Variants in PSG3 observed in about 807,000 individuals in gnomAD.
PSG3 encodes pregnancy-specific beta-1-glycoprotein 3.
In PSG3, 61 loss-of-function variants were observed where a neutral mutation model predicts 47.5. The observed-to-expected ratio is 1.28, with a 90% confidence interval of 1.05 to 1.59. PSG3 has a LOEUF of 1.59. PSG3 is among the 40% of genes most tolerant of loss of function. The pLI, the probability that PSG3 is intolerant of heterozygous loss-of-function variation, is 0.00. For synonymous variants in PSG3, 263 were observed against 198.4 expected (o/e 1.33, Z -2.74); for missense variants, 756 against 524.0 (o/e 1.44, Z -4.32).
Position 42,732,813 on chromosome 19 carries a change from C to A in PSG3, c.680G>T (p.Arg227Leu). The change falls in exon 3 of 7, where the codon CGC (arginine) becomes CTC (leucine). Residue 227 changes from arginine to leucine, a missense_variant. Arg to Leu is a moderately radical substitution (Grantham distance 102, BLOSUM62 -2). Coordinates refer to ENST00000327495, the MANE Select transcript of PSG3 (RefSeq NM_021016.4). The part of the protein sequence containing the change: ...CEIRNPVSAS[R>L]SDPVTLNLLP... ...GAGATTCAGGGTGACTGGGTCACTGCGGCTGGCACTCACTGGGTTCCGTAT... is the reference window on the plus strand; with the variant it reads ...GAGATTCAGGGTGACTGGGTCACTGAGGCTGGCACTCACTGGGTTCCGTAT... The A allele has an allele frequency of 1.2e-6, 2 of 1,614,098 alleles. No homozygotes were observed. Among genetic ancestry groups the A allele is most frequent in the Non-Finnish European group, 1.7e-6 (2 of 1,179,992 alleles).
At chr19:42,725,721 G>A (rs1969365360) in intron 5 of PSG3, among the ~76,000 whole-genome samples, 1 of 151,732 alleles carries the variant, frequency 6.6e-6, no homozygotes, top group Admixed American at 6.6e-5. Context: ...CCAATTAGCT[G>A]CGCATGGTGA....
intron 1 of PSG3, among the ~76,000 whole-genome samples, chr19:42,740,022 G>A (rs908303318): frequency 2.7e-5 from 4 of 150,346 alleles, no homozygotes; most frequent in Admixed American, 6.6e-5. Context: ...GCACTATCTC[G>A]GCTCACTGCA....
chr19:42,727,295 A>C (rs987946467), intron 5 of PSG3, among the ~76,000 whole-genome samples: 1 of 152,238 alleles, frequency 6.6e-6, no homozygotes, highest in African/African-American at 2.4e-5. Flanking sequence ...TTTATATATC[A>C]AAGAACACTA....
In PSG3 at chr19:42,729,132, T is replaced by G. The variant is rs17420676; in HGVS notation, c.1234A>C (p.Lys412Gln). Residue 412 changes from lysine to glutamine, a missense_variant, in exon 5 of 7, where the codon AAA becomes CAA. Transcript: ENST00000327495. ...GMESSKSMTV[K>Q]VSAPSGTGHL... is the part of the protein sequence containing the mutation. ...GCTGGGATCCACTTACCAGAGACTTTGACTGTCATGGATTTGGAGCTTTCC... is the reference window on the plus strand; with the variant it reads ...GCTGGGATCCACTTACCAGAGACTTGGACTGTCATGGATTTGGAGCTTTCC... 6.2e-7 allele frequency: 1 copy of G among 1,613,872 alleles called. No individual in the cohort carries two copies. The highest frequency in any genetic ancestry group is 1.3e-5 in the African/African-American group (1 of 74,930).
At chr19:42,730,185 G>A (rs374490687) in intron 3 of PSG3, 129 bp from the exon 4 acceptor site, 112 of 1,485,316 alleles carry the variant, frequency 7.5e-5, no homozygotes, top group Middle Eastern at 5.0e-4. Context: ...TAGCTGGTGC[G>A]TGTGTCACAA....
At chr19:42,722,544 G>A (rs1165819422) in intron 6 of PSG3, among the ~76,000 whole-genome samples, 5 of 152,156 alleles carry the variant, frequency 3.3e-5, no homozygotes, top group Admixed American at 6.5e-5. Context: ...GTGAGCCATC[G>A]CACCCAGCCT....
At chr19:42,727,384 AT>A (rs1310761589) in intron 5 of PSG3, among the ~76,000 whole-genome samples, 1 of 152,228 alleles carries the variant, frequency 6.6e-6, no homozygotes, top group Admixed American at 6.5e-5. Flanking sequence ...AATTTCCAGA[AT>A]ACATGAAAAG....
At chr19:42,740,207 C>T (rs1489758016) in intron 1 of PSG3, 114 bp downstream of exon 1, 14 of 1,597,362 alleles carry the variant, frequency 8.8e-6, no homozygotes, top group Non-Finnish European at 1.2e-5. Flanking sequence ...CCTCCTCAGC[C>T]TCCCTAAGTG....
intron 5 of PSG3, among the ~76,000 whole-genome samples, chr19:42,726,002 C>A (rs1177668876): frequency 6.6e-6 from 1 of 150,866 alleles, no homozygotes; most frequent in Non-Finnish European, 1.5e-5. Context: ...AATTGGATAA[C>A]CTAGATGAAG....
Position 42,733,074 on chromosome 19 carries a change from A to G in PSG3, c.431-12T>C. 1 of 1,611,634 alleles carries G rather than the reference A, an allele frequency of 6.2e-7. No individual in the cohort carries two copies. The highest frequency in any genetic ancestry group is 1.1e-5 in the South Asian group (1 of 90,930). On this transcript the variant is annotated splice_polypyrimidine_tract_variant and intron_variant, in intron 2 of 6. Coordinates refer to ENST00000327495, the MANE Select transcript of PSG3 (RefSeq NM_021016.4). ...CTTGGGAGTCTCCACTGTGCAGAAAACAGAGAGAAGATTGCCCTGTGTGGC... is the reference window on the plus strand; with the variant it reads ...CTTGGGAGTCTCCACTGTGCAGAAAGCAGAGAGAAGATTGCCCTGTGTGGC...
At chr19:42,740,247 G>T (rs966640388) in intron 1 of PSG3, 74 bp downstream of exon 1, 13 of 1,612,254 alleles carry the variant, frequency 8.1e-6, no homozygotes, top group Middle Eastern at 3.4e-4. Flanking sequence ...AGAACCCCAG[G>T]AGTCTCTCCA....
intron 5 of PSG3, among the ~76,000 whole-genome samples, chr19:42,724,561 G>C (rs1969345664): frequency 6.6e-6 from 1 of 152,144 alleles, no homozygotes; most frequent in Admixed American, 6.5e-5. Context: ...CTGGTTGGAG[G>C]ATTCCCCATC....
At chr19:42,736,803 T>C (rs1167770863) in intron 2 of PSG3, among the ~76,000 whole-genome samples, 1 of 152,120 alleles carries the variant, frequency 6.6e-6, no homozygotes, top group Non-Finnish European at 1.5e-5. Flanking sequence ...ATTCTCTTAG[T>C]GACCTGGGGA....
intron 6 of PSG3, among the ~76,000 whole-genome samples, chr19:42,723,487 T>G (rs1220673788): frequency 6.6e-6 from 1 of 152,040 alleles, no homozygotes; most frequent in Non-Finnish European, 1.5e-5. Flanking sequence ...GTGGCTAGAG[T>G]AGACCCCTGG....
rs538520906 is a variant in PSG3, at chr19:42,739,838, C to T, written c.64+483G>A. On this transcript the variant is annotated intron_variant, in intron 1 of 6. Coordinates refer to ENST00000327495, the MANE Select transcript of PSG3 (RefSeq NM_021016.4). The stretch of plus-strand genomic sequence containing the variant: ...AACAGAACACTTAAGATTTTCCTAC[C>T]TCTTACCAATTCTGGTTCCTGTGAC... Among the ~76,000 whole-genome samples, 12 of 152,300 alleles carry T rather than the reference C, an allele frequency of 7.9e-5. No homozygotes were observed. In the South Asian group the frequency reaches 2.3e-3, roughly 29 times the overall value.
intron 1 of PSG3, 164 bp from the exon 2 acceptor site, chr19:42,739,253 G>A (rs988438898): frequency 1.6e-6 from 2 of 1,219,300 alleles, no homozygotes; most frequent in Non-Finnish European, 2.3e-6. Context: ...GTGTATATGT[G>A]TTTGTGTCCT....
chr19:42,737,468 A>G (rs1969584588), intron 2 of PSG3, among the ~76,000 whole-genome samples: 1 of 152,092 alleles, frequency 6.6e-6, no homozygotes, highest in Admixed American at 6.5e-5. Context: ...AGTGACATGG[A>G]CACTTTGGGA....
At chr19:42,727,309 A>G (rs1969393078) in intron 5 of PSG3, among the ~76,000 whole-genome samples, 1 of 152,236 alleles carries the variant, frequency 6.6e-6, no homozygotes, top group Non-Finnish European at 1.5e-5. Flanking sequence ...AACACTATCA[A>G]GAAAGTAAAA....
At position 42,723,969 on chromosome 19, in the gene PSG3, G is replaced by T; in HGVS notation, c.*13C>A. On this transcript the variant is annotated 3_prime_UTR_variant, in exon 6 of 7. Transcript: ENST00000327495. ...GCCAGTCTTCCTGAAATACAGAAAT[G>T]ACATCACGGCTGCTATAATGGATTA... 6.2e-7 allele frequency: 1 copy of T among 1,604,998 alleles called. No individual in the cohort carries two copies. The highest frequency in any genetic ancestry group is 8.5e-7 in the Non-Finnish European group (1 of 1,171,758).
Sources: allele counts gnomAD v4.1 joint callset (sites outside exome capture counted in the v4.1 genomes callset), GRCh38; gene constraint gnomAD v4.1.1; transcripts MANE v1.5; gene names NCBI Gene and HGNC (gene_info 2026-07-23, HGNC 2026-07-21).